AS3MT: variants seen among roughly 807,000 people sequenced by gnomAD.
AS3MT encodes arsenite methyltransferase, also known as S-adenosyl-L-methionine:arsenic(III) methyltransferase.
In AS3MT, 47 loss-of-function variants were observed where a neutral mutation model predicts 45.3. The observed-to-expected ratio is 1.04, with a 90% CI of 0.82 to 1.32. The LOEUF (loss-of-function observed/expected upper bound fraction) is 1.32. Ranked by LOEUF, AS3MT falls within the 40% of genes most tolerant of loss-of-function variation. The pLI is 0.00. For synonymous variants in AS3MT, 141 were observed against 152.8 expected, an observed-to-expected ratio of 0.92 and a Z score of 0.57; for missense variants, 396 against 451.1, an observed-to-expected ratio of 0.88 and a Z score of 1.11.
intron 10 of AS3MT, among the ~76,000 whole-genome samples, chr10:102,894,900 A>G (rs1845138522): frequency 6.6e-6 from 1 of 152,192 alleles, no homozygotes; most frequent in African/African-American, 2.4e-5. Context: ...GGTCTGAACC[A>G]ATGTACATAT....
chr10:102,883,980 CTTT>C (rs35305641), intron 9 of AS3MT, among the ~76,000 whole-genome samples: 16 of 129,398 alleles, frequency 1.2e-4, no homozygotes, highest in Admixed American at 2.5e-4. Flanking sequence ...TTCTTTATTT[CTTT>C]TTTTTTTTTT....
At chr10:102,895,706 C>A (rs898754588) in intron 10 of AS3MT, among the ~76,000 whole-genome samples, 1 of 151,744 alleles carries the variant, frequency 6.6e-6, no homozygotes, top group African/African-American at 2.4e-5. Context: ...GGTTGCCCAG[C>A]CTGGGCAACA....
At chr10:102,897,786 A>C (rs1382123158) in intron 10 of AS3MT, among the ~76,000 whole-genome samples, 1 of 152,114 alleles carries the variant, frequency 6.6e-6, no homozygotes, top group Non-Finnish European at 1.5e-5. Context: ...TTTTTTTTAA[A>C]AAAGGAGTTA....
In AS3MT at chr10:102,887,771, CT is replaced by C. The variant is rs775599701; in HGVS notation, c.886-2765del. ...TTGTATCCATTCAGCCACTCTATTC[CT>C]TTTTTTTGGGGGGGGTTCCCAAGTT... On this transcript the variant is annotated intron_variant, in intron 9 of 10. Coordinates refer to ENST00000369880, the MANE Select transcript of AS3MT (RefSeq NM_020682.4). The C allele has an allele frequency of 1.1e-4, 17 of 152,328 alleles. No homozygotes were observed. The East Asian group carries it at 1.9e-3, about 17-fold the overall frequency. 9.4% of individuals were successfully genotyped at this position (152,328 alleles called of 1,614,324 possible).
chr10:102,900,129 G>A (rs1845247028), intron 10 of AS3MT, among the ~76,000 whole-genome samples: 1 of 152,218 alleles, frequency 6.6e-6, no homozygotes, highest in Non-Finnish European at 1.5e-5. Context: ...TCTGAGATCT[G>A]TCTGGCCATT....
chr10:102,876,907 A>G (rs755784439), intron 6 of AS3MT, 47 bp from the exon 7 acceptor site: 6 of 1,562,502 alleles, frequency 3.8e-6, no homozygotes, highest in Non-Finnish European at 5.3e-6. Context: ...TGTGGGGTCA[A>G]TGTAATCATT....
In AS3MT at chr10:102,872,580, A is replaced by G; in HGVS notation, c.303A>G (p.Ile101Met). ...GTGAAAAAGGACACGTGACTGGAAT[A>G]GACATGACCAAAGGCCAGGTGAGGC... ...LVGEKGHVTG[I>M]DMTKGQVEVA... is the part of the protein sequence containing the mutation. Residue 101 changes from isoleucine to methionine, a missense_variant, in exon 4 of 11, where the codon ATA becomes ATG. Physicochemically the swap from Ile to Met is conservative, Grantham distance 10. Coordinates refer to ENST00000369880, the MANE Select transcript of AS3MT (RefSeq NM_020682.4). 1 of 1,611,056 alleles carries G rather than the reference A, an allele frequency of 6.2e-7. No homozygotes were observed. Among genetic ancestry groups the G allele is most frequent in the African/African-American group, 1.3e-5 (1 of 74,852 alleles).
At chr10:102,893,358 A>C (rs1845106938) in intron 10 of AS3MT, among the ~76,000 whole-genome samples, 1 of 151,922 alleles carries the variant, frequency 6.6e-6, no homozygotes. Context: ...TTCCTCTGTC[A>C]CCCAGGCTGG....
intron 9 of AS3MT, among the ~76,000 whole-genome samples, chr10:102,880,272 C>T (rs1844852832): frequency 6.6e-6 from 1 of 150,974 alleles, no homozygotes; most frequent in Non-Finnish European, 1.5e-5. Flanking sequence ...TACCTGGGTT[C>T]AAATTCTGGC....
intron 9 of AS3MT, among the ~76,000 whole-genome samples, chr10:102,886,303 C>T (rs12412359): frequency 7.4e-6 from 1 of 134,534 alleles, no homozygotes; most frequent in African/African-American, 2.7e-5. Context: ...CTCCCTCCCT[C>T]CCTCCCTTCT....
intron 9 of AS3MT, among the ~76,000 whole-genome samples, chr10:102,882,186 G>A (rs960587751): frequency 7.9e-4 from 120 of 151,784 alleles, no homozygotes; most frequent in Admixed American, 1.8e-3. Flanking sequence ...TGATCCACCC[G>A]CCTCGGCCTC....
In AS3MT at chr10:102,901,102, A is replaced by AG. The variant is rs1845263526; in HGVS notation, c.*402_*403insG. On this transcript the variant is annotated 3_prime_UTR_variant, in exon 11 of 11. Coordinates refer to ENST00000369880, the MANE Select transcript of AS3MT (RefSeq NM_020682.4). ...ACTCTGTCTCAAAAGCAAAAAAAAA[A>AG]AAAAAAAAAGAAAGAAAGAAAAAGA... 6.6e-6 allele frequency: 1 copy of AG among 151,986 alleles called. No individual in the cohort carries two copies. Among genetic ancestry groups the AG allele is most frequent in the African/African-American group, 2.4e-5 (1 of 41,312 alleles). The allele number at this position is 151,986 out of a possible 1,614,324, so 9.4% of individuals were successfully genotyped here.
In AS3MT at chr10:102,885,750, C is replaced by T. The variant is rs1206234929; in HGVS notation, c.886-4794C>T. ...TTCACCGTTTTAGCCGGGATGGTCTCGATCTCCTGACCTCGTGATCCGCCC... is the reference window on the plus strand; with the variant it reads ...TTCACCGTTTTAGCCGGGATGGTCTTGATCTCCTGACCTCGTGATCCGCCC... On this transcript the variant is annotated intron_variant, in intron 9 of 10. Coordinates refer to ENST00000369880, the MANE Select transcript of AS3MT (RefSeq NM_020682.4). 6.3e-5 allele frequency among the ~76,000 whole-genome samples: 7 copies of T among 111,108 alleles called. 2 individuals are homozygous for T. In the East Asian group the frequency reaches 1.6e-3, roughly 26 times the overall value. 72.9% of individuals were successfully genotyped at this position (111,108 alleles called of 152,430 possible).
At position 102,900,901 on chromosome 10, in the gene AS3MT, T is replaced by A. The variant is rs1490682142; in HGVS notation, c.*201T>A. The stretch of plus-strand genomic sequence containing the variant: ...GAGTTTGATACCAGCCTGGCCAACA[T>A]GGTGAAATCCTGTCTCTACCAAAAA... On this transcript the variant is annotated 3_prime_UTR_variant, in exon 11 of 11. Coordinates refer to ENST00000369880, the MANE Select transcript of AS3MT (RefSeq NM_020682.4). The A allele has an allele frequency of 1.1e-5, 5 of 445,808 alleles. No individual in the cohort carries two copies. Among genetic ancestry groups the A allele is most frequent in the African/African-American group, 1.0e-4 (5 of 50,102 alleles). 27.6% of individuals were successfully genotyped at this position (445,808 alleles called of 1,614,324 possible).
intron 10 of AS3MT, among the ~76,000 whole-genome samples, chr10:102,900,266 G>C (rs942305165): frequency 3.3e-5 from 5 of 152,178 alleles, no homozygotes; most frequent in African/African-American, 1.2e-4. Context: ...TAGCATTTCC[G>C]TATCTCAGTT....
intron 9 of AS3MT, among the ~76,000 whole-genome samples, chr10:102,879,629 C>T (rs1381310193): frequency 2.6e-5 from 4 of 151,474 alleles, no homozygotes; most frequent in South Asian, 2.1e-4. Flanking sequence ...ATTAGCCGGG[C>T]GTGGTGGTGG....
intron 9 of AS3MT, among the ~76,000 whole-genome samples, chr10:102,883,611 G>C (rs1844901670): frequency 6.6e-6 from 1 of 152,072 alleles, no homozygotes; most frequent in Non-Finnish European, 1.5e-5. Flanking sequence ...TACTCGAGAG[G>C]CTAAGGCAGG....
chr10:102,876,048 A>G (rs1478269190), intron 6 of AS3MT, among the ~76,000 whole-genome samples: 1 of 152,158 alleles, frequency 6.6e-6, no homozygotes, highest in Non-Finnish European at 1.5e-5. Context: ...ATGTCATTTT[A>G]CACGCCAGTT....
At chr10:102,895,453 G>C (rs962407804) in intron 10 of AS3MT, among the ~76,000 whole-genome samples, 1 of 151,892 alleles carries the variant, frequency 6.6e-6, no homozygotes, top group Non-Finnish European at 1.5e-5. Context: ...CACCAGCCTC[G>C]GCCTCCCAAA....
Sources: allele counts gnomAD v4.1 joint callset (sites outside exome capture counted in the v4.1 genomes callset), GRCh38; gene constraint gnomAD v4.1.1; transcripts MANE v1.5; gene names NCBI Gene and HGNC (gene_info 2026-07-23, HGNC 2026-07-21).